Variants in AIG1 observed in about 807,000 individuals in gnomAD.
AIG1 encodes the protein androgen induced 1, also known as androgen-induced gene 1 protein.
AIG1 carries 23 observed loss-of-function variants against 31.4 expected under a neutral mutation model. That is an observed-to-expected ratio of 0.73 (90% CI 0.53 to 1.04). AIG1 has a LOEUF of 1.04. Among genes scored for constraint, AIG1 ranks in the 50% least tolerant of loss-of-function variants. The pLI is 0.00. For synonymous variants in AIG1, 100 were observed against 110.5 expected, an observed-to-expected ratio of 0.90 and a Z score of 0.60; for missense variants, 274 against 295.0, an observed-to-expected ratio of 0.93 and a Z score of 0.52.
rs796204201 is a variant in AIG1 at position 143,143,530 on chromosome 6, T to A, written c.297+6540T>A. On this transcript the variant is annotated intron_variant, in intron 2 of 5. Coordinates refer to ENST00000357847, the MANE Select transcript of AIG1 (RefSeq NM_016108.4). ...AAAAAAAAAAAAAAAAAAAAAAAAA[T>A]ATATATATATATATATATATATATA... Among the ~76,000 whole-genome samples, 569 of 71,820 alleles carry A rather than the reference T, an allele frequency of 7.9e-3. 8 individuals are homozygous for A. Among genetic ancestry groups the A allele is most frequent in the African/African-American group, 0.023 (330 of 14,150 alleles). 47.1% of individuals were successfully genotyped at this position (71,820 alleles called of 152,430 possible).
intron 3 of AIG1, among the ~76,000 whole-genome samples, chr6:143,269,820 T>A (rs1293312931): frequency 1.3e-5 from 2 of 152,168 alleles, no homozygotes; most frequent in East Asian, 3.9e-4. Flanking sequence ...TTATGGAGAT[T>A]CACTGTGACA....
chr6:143,120,183 C>T (rs1782124305), intron 1 of AIG1, among the ~76,000 whole-genome samples: 1 of 152,166 alleles, frequency 6.6e-6, no homozygotes, highest in African/African-American at 2.4e-5. Context: ...ATCTGCCTGC[C>T]TTGGCCTCCC....
intron 2 of AIG1, among the ~76,000 whole-genome samples, chr6:143,154,487 C>T (rs1048398247): frequency 3.9e-4 from 59 of 151,462 alleles, no homozygotes; most frequent in African/African-American, 1.4e-3. Flanking sequence ...CCTCCCTGGG[C>T]GATAGAGTGA....
chr6:143,326,131 A>G lies in AIG1; in HGVS notation c.516-7151A>G, dbSNP rs900033657. 2.6e-5 allele frequency among the ~76,000 whole-genome samples: 4 copies of G among 152,194 alleles called. No individual in the cohort carries two copies. The highest frequency in any genetic ancestry group is 7.2e-5 in the African/African-American group (3 of 41,446). On this transcript the variant is annotated intron_variant, in intron 4 of 5. Coordinates refer to ENST00000357847, the MANE Select transcript of AIG1 (RefSeq NM_016108.4). The surrounding 1 kb of genome is among the most constrained non-coding windows in gnomAD (Gnocchi z 4.5). Reference sequence around the variant, plus strand: ...TCTCCTAGCCACTACCATTTCTGATACAATTGGTTCAGCTCAATCTGATCT... The same window carrying G: ...TCTCCTAGCCACTACCATTTCTGATGCAATTGGTTCAGCTCAATCTGATCT...
chr6:143,174,947 C>T (rs376185422), intron 3 of AIG1, among the ~76,000 whole-genome samples: 9 of 151,938 alleles, frequency 5.9e-5, no homozygotes, highest in South Asian at 2.1e-4. Context: ...TAGTGTATTT[C>T]GAGGATTTAT....
At chr6:143,203,632 G>T (rs1790875223) in intron 3 of AIG1, among the ~76,000 whole-genome samples, 1 of 152,176 alleles carries the variant, frequency 6.6e-6, no homozygotes, top group Non-Finnish European at 1.5e-5. Flanking sequence ...AGGACCAATG[G>T]ATGGAAGCTT....
intron 3 of AIG1, among the ~76,000 whole-genome samples, chr6:143,196,166 C>T (rs886564686): frequency 6.6e-6 from 1 of 152,124 alleles, no homozygotes; most frequent in African/African-American, 2.4e-5. Context: ...CAGAATAATC[C>T]TTTTCTATAT....
intron 3 of AIG1, among the ~76,000 whole-genome samples, chr6:143,202,466 C>A (rs1790773947): frequency 6.6e-6 from 1 of 152,120 alleles, no homozygotes; most frequent in Admixed American, 6.5e-5. Context: ...AATTATAAGA[C>A]AGAATTTGTT....
At chr6:143,343,448 C>T (rs1175774624), downstream of AIG1, 1 of 373,238 alleles carries the variant, frequency 2.7e-6, no homozygotes, top group Non-Finnish European at 5.3e-6. Context: ...GAGACATCGG[C>T]CCTAGAGTGA....
rs76236470 is a variant in AIG1 at position 143,178,252 on chromosome 6, G to A, written c.399+13069G>A. ...TGACTCTGCATCCCTCTGGGTGGAT[G>A]TGGTGGGATGTCCCAGGGACCCCAA... On this transcript the variant is annotated intron_variant, in intron 3 of 5. Coordinates refer to ENST00000357847, the MANE Select transcript of AIG1 (RefSeq NM_016108.4). 5.7e-3 allele frequency among the ~76,000 whole-genome samples: 873 copies of A among 152,304 alleles called. 9 individuals are homozygous for A. Among genetic ancestry groups the A allele is most frequent in the Non-Finnish European group, 6.3e-3 (426 of 68,014 alleles).
chr6:143,084,727 G>C (rs1448602504), intron 1 of AIG1, among the ~76,000 whole-genome samples: 2 of 152,110 alleles, frequency 1.3e-5, no homozygotes, highest in Non-Finnish European at 2.9e-5. Context: ...AAAGGCAGTA[G>C]GATTTTCTTC....
rs1489528364 is a variant in AIG1, at chr6:143,118,738, A to G, written c.142-18097A>G. On this transcript the variant is annotated intron_variant, in intron 1 of 5. Transcript: ENST00000357847. ...TGTTGCCTTATGACTGATAGTGCTAATAAGTAACTAAGTCCTATGATCCTA... is the reference window on the plus strand; with the variant it reads ...TGTTGCCTTATGACTGATAGTGCTAGTAAGTAACTAAGTCCTATGATCCTA... Among the ~76,000 whole-genome samples the G allele has an allele frequency of 4.6e-5, 7 of 152,358 alleles. No individual in the cohort carries two copies. In the South Asian group the frequency reaches 1.4e-3, roughly 32 times the overall value.
At chr6:143,342,322 G>T (rs531596649), downstream of AIG1, 2,358 of 677,118 alleles carry the variant, frequency 3.5e-3, 33 homozygotes, top group African/African-American at 0.032. Context: ...AGCAGCAGCT[G>T]CGAGGAGCTC....
At chr6:143,161,848 A>C (rs1415307286) in intron 2 of AIG1, among the ~76,000 whole-genome samples, 1 of 152,160 alleles carries the variant, frequency 6.6e-6, no homozygotes, top group East Asian at 1.9e-4. Context: ...TATCAGACTT[A>C]AGTGTGGAAA....
chr6:143,315,224 A>G (rs1021785441), intron 4 of AIG1, among the ~76,000 whole-genome samples: 2 of 152,134 alleles, frequency 1.3e-5, no homozygotes, highest in African/African-American at 2.4e-5. Context: ...CGACAGCTGC[A>G]AGCACTGCCG....
Position 143,330,953 on chromosome 6 carries a change from C to G in AIG1, c.516-2329C>G, listed in dbSNP as rs950880440. Reference sequence around the variant, plus strand: ...TAACCATTTAATTTCTGCGGATTCTCACAACTGCTTCAGCTTTTCTAACAG... The same window carrying G: ...TAACCATTTAATTTCTGCGGATTCTGACAACTGCTTCAGCTTTTCTAACAG... On this transcript the variant is annotated intron_variant, in intron 4 of 5. Coordinates refer to ENST00000357847, the MANE Select transcript of AIG1 (RefSeq NM_016108.4). This position sits in a 1 kb window ranked among gnomAD's most constrained non-coding sequence, Gnocchi z 4.4. 8.5e-5 allele frequency among the ~76,000 whole-genome samples: 13 copies of G among 152,204 alleles called. No homozygotes were observed. Among genetic ancestry groups the G allele is most frequent in the Non-Finnish European group, 1.0e-4 (7 of 68,044 alleles).
At chr6:143,276,730 G>A (rs966400545) in intron 3 of AIG1, among the ~76,000 whole-genome samples, 3 of 152,102 alleles carry the variant, frequency 2.0e-5, no homozygotes. Context: ...TAGGAAGGGA[G>A]GGAGGGAGGG....
chr6:143,116,264 G>A (rs901817613), intron 1 of AIG1, among the ~76,000 whole-genome samples: 10 of 152,174 alleles, frequency 6.6e-5, no homozygotes, highest in African/African-American at 2.4e-4. Context: ...GCTGTGGTAG[G>A]AAAATAATGG....
At position 143,112,064 on chromosome 6, in the gene AIG1, A is replaced by G. The variant is rs192709670; in HGVS notation, c.142-24771A>G. Among the ~76,000 whole-genome samples the G allele has an allele frequency of 2.3e-4, 35 of 152,304 alleles. No homozygotes were observed. The Middle Eastern group carries it at 0.01, about 44-fold the overall frequency. On this transcript the variant is annotated intron_variant, in intron 1 of 5. Coordinates refer to ENST00000357847, the MANE Select transcript of AIG1 (RefSeq NM_016108.4). ...TCTACAGTGGTTCTATTTTTCCTTC[A>G]GCACAAAAGCCAAGACCTTCAATAT... is the stretch of plus-strand genomic sequence containing the variant.
Sources: allele counts gnomAD v4.1 joint callset (sites outside exome capture counted in the v4.1 genomes callset), GRCh38; gene constraint gnomAD v4.1.1; non-coding constraint Gnocchi (gnomAD v3.1); transcripts MANE v1.5; gene names NCBI Gene and HGNC (gene_info 2026-07-23, HGNC 2026-07-21).